The following TEKT5 variants were observed in gnomAD, a reference collection of about 807,000 sequenced individuals.
TEKT5 encodes tektin-5.
In TEKT5, 52 loss-of-function variants were observed where a neutral mutation model predicts 48.7. The observed-to-expected ratio is 1.07, with a 90% CI of 0.86 to 1.35. The LOEUF (loss-of-function observed/expected upper bound fraction) is 1.35, where lower values mean the gene tolerates loss of function less well. Among genes scored for constraint, TEKT5 ranks in the 40% most tolerant of loss-of-function variants. The pLI, the probability that TEKT5 is intolerant of heterozygous loss-of-function variation, is 0.00. For synonymous variants in TEKT5, 318 were observed against 267.6 expected (o/e 1.19, Z -1.84); for missense variants, 831 against 641.6 (o/e 1.30, Z -3.19).
chr16:10,644,943 A>G (rs1036167742), intron 5 of TEKT5, among the ~76,000 whole-genome samples: 7 of 152,190 alleles, frequency 4.6e-5, no homozygotes, highest in African/African-American at 1.7e-4. Flanking sequence ...TGGAGCTCTC[A>G]TGAATGGGAT....
chr16:10,642,567 T>C (rs1898011235), intron 5 of TEKT5, among the ~76,000 whole-genome samples: 2 of 152,142 alleles, frequency 1.3e-5, no homozygotes, highest in Admixed American at 6.5e-5. Flanking sequence ...TGGTGTGGAA[T>C]GCCCCCTCTT....
chr16:10,639,991 TTCTTCCTCC>T (rs1244992453), intron 5 of TEKT5, among the ~76,000 whole-genome samples: 1 of 146,296 alleles, frequency 6.8e-6, no homozygotes, highest in East Asian at 2.2e-4. Flanking sequence ...TTTCTTCTTT[TTCTTCCTCC>T]TCTTCCTCCT....
At chr16:10,666,145 C>T (rs776432158) in intron 5 of TEKT5, among the ~76,000 whole-genome samples, 2 of 152,164 alleles carry the variant, frequency 1.3e-5, no homozygotes, top group African/African-American at 4.8e-5. Context: ...TGAAGAACCA[C>T]CCTGTTTACC....
At position 10,645,778 on chromosome 16, in the gene TEKT5, A is replaced by C. The variant is rs1431904406; in HGVS notation, c.1087-9860T>G. ...GATCACACCATTGCACTGGACTGCA[A>C]GACTGGGCAACAAGAGTGAAACTCT... On this transcript the variant is annotated intron_variant, in intron 5 of 6. Transcript: ENST00000283025. Among the ~76,000 whole-genome samples, 3 of 152,162 alleles carry C rather than the reference A, an allele frequency of 2.0e-5. No homozygotes were observed. In the South Asian group the frequency reaches 6.2e-4, roughly 32 times the overall value.
intron 5 of TEKT5, among the ~76,000 whole-genome samples, chr16:10,661,236 T>C (rs968055637): frequency 7.9e-5 from 12 of 152,204 alleles, no homozygotes; most frequent in Admixed American, 2.6e-4. Context: ...TGTTATAAAC[T>C]ATTCCAGGGG....
intron 3 of TEKT5, among the ~76,000 whole-genome samples, chr16:10,685,462 T>G (rs1898847231): frequency 6.6e-6 from 1 of 152,060 alleles, no homozygotes; most frequent in South Asian, 2.1e-4. Context: ...ACCACCCAGC[T>G]AATTTTGTGT....
chr16:10,692,752 CGAATGA>C (rs1439478724), intron 1 of TEKT5: 2 of 152,320 alleles, frequency 1.3e-5, no homozygotes, highest in East Asian at 3.9e-4. Context: ...CTTCCTGCCT[CGAATGA>C]GAATATCAAG....
chr16:10,682,504 TA>T (rs1596417920), intron 3 of TEKT5, among the ~76,000 whole-genome samples: 1 of 152,140 alleles, frequency 6.6e-6, no homozygotes, highest in East Asian at 1.9e-4. Context: ...ACTTTTTAAA[TA>T]TTTTTGTAGA....
At chr16:10,689,608 C>T (rs1249074299) in intron 2 of TEKT5, among the ~76,000 whole-genome samples, 1 of 150,926 alleles carries the variant, frequency 6.6e-6, no homozygotes, top group African/African-American at 2.4e-5. Flanking sequence ...GTGCCAAGCA[C>T]TCACTTATAG....
chr16:10,635,968 C>T (rs755447040), intron 5 of TEKT5, 50 bp from the exon 6 acceptor site: 7 of 1,600,064 alleles, frequency 4.4e-6, no homozygotes, highest in Non-Finnish European at 6.0e-6. Flanking sequence ...TTCTGACCTC[C>T]TCTGACTGGG....
At chr16:10,662,575 G>A (rs149019992) in intron 5 of TEKT5, among the ~76,000 whole-genome samples, 48 of 152,324 alleles carry the variant, frequency 3.2e-4, no homozygotes, top group African/African-American at 7.7e-4. Context: ...CCTCTTTGCA[G>A]GCAGCCCCTT....
intron 5 of TEKT5, among the ~76,000 whole-genome samples, chr16:10,666,612 A>G (rs1898461453): frequency 6.6e-6 from 1 of 152,214 alleles, no homozygotes; most frequent in Admixed American, 6.5e-5. Flanking sequence ...ACAACTTCTA[A>G]GAAAATGCAG....
At chr16:10,669,724 T>G (rs983672520) in intron 5 of TEKT5, among the ~76,000 whole-genome samples, 2 of 151,664 alleles carry the variant, frequency 1.3e-5, no homozygotes, top group Non-Finnish European at 2.9e-5. Flanking sequence ...ATGCATCTTT[T>G]CCCCCTACAC....
chr16:10,687,442 C>G (rs1001055195), intron 3 of TEKT5, among the ~76,000 whole-genome samples: 1 of 152,194 alleles, frequency 6.6e-6, no homozygotes, highest in Non-Finnish European at 1.5e-5. Flanking sequence ...TTAAAATTTG[C>G]CTGTTTAAAT....
rs139409237 is a variant in TEKT5, at chr16:10,682,486, C to A, written c.720-350G>T. Among the ~76,000 whole-genome samples the A allele has an allele frequency of 6.1e-3, 927 of 152,256 alleles. 13 individuals carry two copies. Among genetic ancestry groups the A allele is most frequent in the African/African-American group, 0.022 (894 of 41,534 alleles). ...AGGGCTACAGGCATGGGCCACCAAG[C>A]CCGACTAACTTTTTAAATATTTTTG... On this transcript the variant is annotated intron_variant, in intron 3 of 6. Transcript: ENST00000283025.
intron 5 of TEKT5, among the ~76,000 whole-genome samples, chr16:10,664,337 C>A (rs1215871861): frequency 6.6e-6 from 1 of 152,166 alleles, no homozygotes; most frequent in Non-Finnish European, 1.5e-5. Flanking sequence ...GAAGATATAC[C>A]TAGCGGGCTT....
chr16:10,656,596 G>C (rs1034896684), intron 5 of TEKT5, among the ~76,000 whole-genome samples: 2 of 152,126 alleles, frequency 1.3e-5, no homozygotes, highest in African/African-American at 2.4e-5. Flanking sequence ...AAAGAGGTAA[G>C]GCCTATAGAA....
Position 10,631,083 on chromosome 16 carries a change from TAC to T in TEKT5, c.1242-3286_1242-3285del, listed in dbSNP as rs1555464267. 5.7e-3 allele frequency among the ~76,000 whole-genome samples: 841 copies of T among 148,692 alleles called. 7 individuals are homozygous for T. The highest frequency in any genetic ancestry group is 7.3e-3 in the Non-Finnish European group (491 of 67,156). ...ATATCTATGTCCATATATATATATA[TAC>T]ACACACACACACACACAAAAATTAG... is the stretch of plus-strand genomic sequence containing the variant. On this transcript the variant is annotated intron_variant, in intron 6 of 6. Transcript: ENST00000283025.
At chr16:10,672,088 G>C (rs1326064878) in intron 5 of TEKT5, among the ~76,000 whole-genome samples, 3 of 152,230 alleles carry the variant, frequency 2.0e-5, no homozygotes, top group South Asian at 4.1e-4. Context: ...ATGGATTGTG[G>C]TGATGGATGC....
Sources: allele counts gnomAD v4.1 joint callset (sites outside exome capture counted in the v4.1 genomes callset), GRCh38; gene constraint gnomAD v4.1.1; transcripts MANE v1.5; gene names NCBI Gene and HGNC (gene_info 2026-07-23, HGNC 2026-07-21).